Variants in DENND5B observed in about 807,000 individuals in gnomAD.
DENND5B encodes the protein DENN domain containing 5B.
Under a neutral mutation model 140.6 loss-of-function variants are expected in DENND5B, and 34 were observed. That is an observed-to-expected ratio of 0.24 (90% CI 0.18 to 0.32). The LOEUF is 0.32. Among genes scored for constraint, DENND5B ranks in the 10% least tolerant of loss-of-function variants. The pLI is 1.00. For missense variants in DENND5B, 1,142 were observed against 1,560.2 expected, an observed-to-expected ratio of 0.73 and a Z score of 4.52; for synonymous variants, 551 against 562.1, an observed-to-expected ratio of 0.98 and a Z score of 0.28.
chr12:31,469,925 T>C lies in DENND5B; in HGVS notation c.905-9544A>G, dbSNP rs138439810. On this transcript the variant is annotated intron_variant, in intron 3 of 20. Coordinates refer to ENST00000389082, the MANE Select transcript of DENND5B (RefSeq NM_144973.4). ...CTCATCAGAAGCAGGTGCTAGCACA[T>C]GCACAGAACTGTGAGCCAAATAAAC... is the stretch of plus-strand genomic sequence containing the variant. Among the ~76,000 whole-genome samples the C allele has an allele frequency of 1.4e-4, 21 of 152,142 alleles. No homozygotes were observed. The East Asian group carries it at 3.5e-3, about 25-fold the overall frequency.
chr12:31,483,409 C>T (rs1290177500), intron 2 of DENND5B, among the ~76,000 whole-genome samples: 4 of 151,928 alleles, frequency 2.6e-5, no homozygotes, highest in African/African-American at 7.3e-5. Context: ...CATTGGAATA[C>T]ACTTTTTAAA....
intron 4 of DENND5B, among the ~76,000 whole-genome samples, chr12:31,456,514 A>G (rs940765962): frequency 6.6e-6 from 1 of 152,216 alleles, no homozygotes; most frequent in African/African-American, 2.4e-5. Context: ...TGGTATTTGT[A>G]AATGACTTTT....
At chr12:31,529,212 T>C (rs185312901) in intron 1 of DENND5B, among the ~76,000 whole-genome samples, 2 of 145,342 alleles carry the variant, frequency 1.4e-5, no homozygotes, top group East Asian at 4.0e-4. Flanking sequence ...TTGGATGAGA[T>C]AACCAAGGGA....
intron 1 of DENND5B, among the ~76,000 whole-genome samples, chr12:31,541,673 A>G (rs1948684318): frequency 6.6e-6 from 1 of 152,236 alleles, no homozygotes; most frequent in Non-Finnish European, 1.5e-5. Flanking sequence ...GAGCTACCAT[A>G]TGATCCAGTG....
At position 31,526,271 on chromosome 12, in the gene DENND5B, C is replaced by A. The variant is rs529351496; in HGVS notation, c.128-30352G>T. ...CACGTCTTTACTACAGAAATATTTA[C>A]ATTTACCCATTAAAATGTCACAAAC... On this transcript the variant is annotated intron_variant, in intron 1 of 20. Coordinates refer to ENST00000389082, the MANE Select transcript of DENND5B (RefSeq NM_144973.4). Among the ~76,000 whole-genome samples the A allele has an allele frequency of 8.9e-4, 136 of 152,256 alleles. 2 individuals are homozygous for A. The highest frequency in any genetic ancestry group is 6.3e-4 in the Non-Finnish European group (43 of 68,032).
chr12:31,515,964 A>G (rs2351922), intron 1 of DENND5B, among the ~76,000 whole-genome samples: 61,905 of 152,056 alleles, frequency 0.41, 13,130 homozygotes, highest in East Asian at 0.57. Flanking sequence ...TTTAGAGCAT[A>G]TCTTAAAATA....
rs2138244189 is a variant in DENND5B, at chr12:31,460,231, T to C, written c.1055A>G (p.Glu352Gly). ...TTCTAGTTTAGAACGGTCAGTTCCTTCTTTTGACTGAAGGCCCATCAGATA... is the reference window on the plus strand; with the variant it reads ...TTCTAGTTTAGAACGGTCAGTTCCTCCTTTTGACTGAAGGCCCATCAGATA... ...VPYLMGLQSK[E>G]GTDRSKLELP... Residue 352 changes from glutamate to glycine, a missense_variant, in exon 4 of 21, where the codon GAA (glutamate) becomes GGA (glycine). By Grantham distance (98) the Glu-to-Gly change is moderately conservative. Around this residue, in one of 5 missense-constraint regions of DENND5B, gnomAD observed 708 missense variants for 905.5 expected, o/e 0.78. Transcript: ENST00000389082. The C allele has an allele frequency of 1.2e-6, 2 of 1,613,788 alleles. No individual in the cohort carries two copies. Among genetic ancestry groups the C allele is most frequent in the East Asian group, 2.2e-5 (1 of 44,870 alleles).
intron 3 of DENND5B, among the ~76,000 whole-genome samples, chr12:31,469,101 G>A (rs1170565646): frequency 3.3e-5 from 5 of 152,048 alleles, no homozygotes; most frequent in South Asian, 2.1e-4. Flanking sequence ...TTGGGAGGCC[G>A]AGGCAGGTGG....
intron 5 of DENND5B, 153 bp downstream of exon 5, chr12:31,451,787 G>A: frequency 1.2e-6 from 1 of 863,246 alleles, no homozygotes; most frequent in South Asian, 2.0e-5. Context: ...TTCTTAATGG[G>A]GCTGGAAGAC....
intron 1 of DENND5B, among the ~76,000 whole-genome samples, chr12:31,519,065 G>A (rs1947785718): frequency 6.6e-6 from 1 of 152,160 alleles, no homozygotes; most frequent in African/African-American, 2.4e-5. Context: ...AGTAAAAGTG[G>A]GGCCTAGCTT....
At chr12:31,436,777 C>T (rs962612565) in intron 7 of DENND5B, among the ~76,000 whole-genome samples, 10 of 149,218 alleles carry the variant, frequency 6.7e-5, no homozygotes, top group African/African-American at 2.2e-4. Context: ...TCAGGTGATC[C>T]GCCCGCCTCA....
intron 1 of DENND5B, among the ~76,000 whole-genome samples, chr12:31,574,273 T>TAATAATAATAAC (rs1156280180): frequency 1.5e-5 from 2 of 134,562 alleles, no homozygotes; most frequent in Non-Finnish European, 3.1e-5. Context: ...TAAAAAATAA[T>TAATAATAATAAC]AATAATAATA....
At chr12:31,395,219 C>G (rs976911139) in intron 17 of DENND5B, among the ~76,000 whole-genome samples, 6 of 152,072 alleles carry the variant, frequency 3.9e-5, no homozygotes, top group African/African-American at 1.4e-4. Context: ...TTTATAAATG[C>G]CAAGATGTTA....
intron 8 of DENND5B, among the ~76,000 whole-genome samples, chr12:31,428,798 C>T (rs1943364835): frequency 1.3e-5 from 2 of 152,158 alleles, no homozygotes; most frequent in South Asian, 4.1e-4. Flanking sequence ...GTGGCGCGAT[C>T]TCGGCTCACT....
At chr12:31,483,951 G>A (rs185949275) in intron 2 of DENND5B, among the ~76,000 whole-genome samples, 34 of 146,086 alleles carry the variant, frequency 2.3e-4, no homozygotes, top group East Asian at 2.1e-4. Flanking sequence ...TGCAACCTCC[G>A]CCTCCCAGGT....
intron 11 of DENND5B, among the ~76,000 whole-genome samples, chr12:31,419,285 A>C (rs1425942447): frequency 1.3e-5 from 2 of 152,226 alleles, no homozygotes; most frequent in Admixed American, 1.3e-4. Flanking sequence ...CATCTGCCTG[A>C]ATCAAACTAC....
At chr12:31,552,904 G>C (rs1385151502) in intron 1 of DENND5B, among the ~76,000 whole-genome samples, 1 of 152,104 alleles carries the variant, frequency 6.6e-6, no homozygotes, top group Non-Finnish European at 1.5e-5. Context: ...TGTGGGATCG[G>C]TGGTGATATC....
chr12:31,533,350 T>A (rs1369968436), intron 1 of DENND5B, among the ~76,000 whole-genome samples: 1 of 152,220 alleles, frequency 6.6e-6, no homozygotes, highest in Admixed American at 6.5e-5. Context: ...TACATTGTAT[T>A]AGCTATTGTA....
intron 8 of DENND5B, among the ~76,000 whole-genome samples, chr12:31,430,436 A>AG: frequency 6.9e-6 from 1 of 145,652 alleles, no homozygotes; most frequent in Non-Finnish European, 1.5e-5. Context: ...GGAGGATCAC[A>AG]AGGTCAAGAG....
Sources: allele counts gnomAD v4.1 joint callset (sites outside exome capture counted in the v4.1 genomes callset), GRCh38; gene constraint gnomAD v4.1.1; regional missense constraint gnomAD v4.1.1; transcripts MANE v1.5; gene names NCBI Gene and HGNC (gene_info 2026-07-23, HGNC 2026-07-21).